Variants in KLRG1 observed in about 807,000 individuals in gnomAD.
KLRG1 encodes the protein killer cell lectin like receptor G1.
KLRG1 carries 16 observed loss-of-function variants against 21.8 expected under a neutral mutation model. The observed-to-expected ratio is 0.73, with a 90% confidence interval of 0.50 to 1.11. The LOEUF is 1.11. Among genes scored for constraint, KLRG1 ranks in the 50% most tolerant of loss-of-function variants. The pLI, the probability that KLRG1 is intolerant of heterozygous loss-of-function variation, is 0.00. For missense variants in KLRG1, 173 were observed against 218.3 expected, an observed-to-expected ratio of 0.79 and a Z score of 1.31; for synonymous variants, 69 against 75.9, an observed-to-expected ratio of 0.91 and a Z score of 0.47.
the KLRG1 span, among the ~76,000 whole-genome samples, chr12:9,108,899 G>T: frequency 4.6e-5 from 7 of 152,206 alleles, no homozygotes; most frequent in Non-Finnish European, 1.0e-4. Context: ...CAGTAAGCAT[G>T]CAAGGTCAGG....
the KLRG1 span, chr12:9,149,598 C>T: frequency 6.2e-7 from 1 of 1,612,848 alleles, no homozygotes; most frequent in Non-Finnish European, 8.5e-7. Context: ...CAACCACAGA[C>T]TCATCTGAAA....
chr12:9,061,352 T>C, the KLRG1 span, among the ~76,000 whole-genome samples: 6 of 152,148 alleles, frequency 3.9e-5, no homozygotes, highest in African/African-American at 1.4e-4. Context: ...CTTGCACTCC[T>C]GGCCTCAAGC....
At chr12:8,980,116 G>A (rs1271925101) in intron 1 of KLRG1, among the ~76,000 whole-genome samples, 1 of 152,018 alleles carries the variant, frequency 6.6e-6, no homozygotes, top group Non-Finnish European at 1.5e-5. Flanking sequence ...AGCCAGGCTG[G>A]TCTCAAATTC....
the KLRG1 span, chr12:9,093,542 C>T: frequency 1.2e-6 from 2 of 1,612,184 alleles, no homozygotes; most frequent in East Asian, 2.2e-5. Context: ...CTTCAACATG[C>T]ACCAGGCGTG....
Position 8,995,260 on chromosome 12 carries a change from T to G in KLRG1, c.329T>G (p.Leu110Arg). The stretch of plus-strand genomic sequence containing the variant: ...TTCTGCCTAGCCAGAGACTCACACC[T>G]CCTTGTGATAACGGACAATCAGGAA... ...LEFCLARDSH[L>R]LVITDNQEMS... The change falls in exon 3 of 5, where the codon CTC becomes CGC. Residue 110 changes from leucine to arginine, a missense_variant. By Grantham distance (102) the Leu-to-Arg change is moderately radical. Transcript: ENST00000356986. The G allele has an allele frequency of 6.2e-7, 1 of 1,611,638 alleles. No homozygotes were observed. Among genetic ancestry groups the G allele is most frequent in the Middle Eastern group, 1.7e-4 (1 of 5,990 alleles).
chr12:8,981,230 G>C (rs1041831847), intron 1 of KLRG1, among the ~76,000 whole-genome samples: 1 of 152,086 alleles, frequency 6.6e-6, no homozygotes, highest in Non-Finnish European at 1.5e-5. Flanking sequence ...TTTTGGCTTT[G>C]TTAATTTTTC....
At chr12:9,154,156 T>C in the KLRG1 span, among the ~76,000 whole-genome samples, 4 of 152,350 alleles carry the variant, frequency 2.6e-5, no homozygotes, top group East Asian at 7.7e-4. Context: ...ATTCTGAAGA[T>C]GTCTGGAACA....
chr12:9,154,040 G>A, the KLRG1 span, among the ~76,000 whole-genome samples: 1 of 152,190 alleles, frequency 6.6e-6, no homozygotes, highest in Non-Finnish European at 1.5e-5. Context: ...TGGAGTAGTT[G>A]AAATGGAACT....
chr12:9,214,441 A>G, the KLRG1 span, among the ~76,000 whole-genome samples: 2 of 152,028 alleles, frequency 1.3e-5, no homozygotes, highest in African/African-American at 2.4e-5. Context: ...TGTTATCTTT[A>G]TCCGATTAAG....
chr12:9,093,430 A>G, the KLRG1 span: 2 of 1,400,308 alleles, frequency 1.4e-6, no homozygotes, highest in East Asian at 2.3e-5. Context: ...AGGGACCTCT[A>G]TTGTTGCATA....
the KLRG1 span, among the ~76,000 whole-genome samples, chr12:9,018,758 C>T: frequency 6.6e-6 from 1 of 150,924 alleles, no homozygotes; most frequent in Non-Finnish European, 1.5e-5. Flanking sequence ...CCTCCTCTCT[C>T]TTGATATACA....
At chr12:9,127,197 C>T in the KLRG1 span, among the ~76,000 whole-genome samples, 1 of 152,170 alleles carries the variant, frequency 6.6e-6, no homozygotes, top group Admixed American at 6.5e-5. Context: ...TACATTTTTG[C>T]CGTCTGGGTT....
the KLRG1 span, chr12:9,112,497 TGAGGAACATTA>T: frequency 6.2e-7 from 1 of 1,613,802 alleles, no homozygotes; most frequent in Non-Finnish European, 8.5e-7. Flanking sequence ...ACTTGGACAG[TGAGGAACATTA>T]CCTCCTCATT....
chr12:9,174,487 GAAAT>G, the KLRG1 span, among the ~76,000 whole-genome samples: 4 of 152,294 alleles, frequency 2.6e-5, no homozygotes, highest in African/African-American at 7.2e-5. Context: ...TCAGGCAAGA[GAAAT>G]AAATAAAGTG....
the KLRG1 span, chr12:9,168,939 G>T: frequency 1.2e-6 from 2 of 1,614,024 alleles, no homozygotes; most frequent in East Asian, 4.5e-5. Context: ...TTGGTTTTCG[G>T]ATTTTTGAGT....
chr12:9,059,673 G>C, the KLRG1 span, among the ~76,000 whole-genome samples: 1 of 152,104 alleles, frequency 6.6e-6, no homozygotes, highest in Admixed American at 6.6e-5. Flanking sequence ...TTGTTTTTAT[G>C]TTTAATTTTA....
the KLRG1 span, among the ~76,000 whole-genome samples, chr12:9,030,188 A>G: frequency 6.6e-6 from 1 of 152,216 alleles, no homozygotes; most frequent in East Asian, 1.9e-4. Flanking sequence ...TTGAGAGGGA[A>G]GGAAAAGGTT....
At chr12:9,132,045 C>G in the KLRG1 span, among the ~76,000 whole-genome samples, 10 of 152,088 alleles carry the variant, frequency 6.6e-5, no homozygotes, top group South Asian at 2.1e-3. Flanking sequence ...GTGGGCATAC[C>G]CCTGAATGTC....
chr12:9,090,057 C>T, the KLRG1 span: 2 of 1,571,744 alleles, frequency 1.3e-6, no homozygotes, highest in Non-Finnish European at 1.7e-6. Flanking sequence ...TGAATAGCAT[C>T]TTCCCCTTCC....
Sources: allele counts gnomAD v4.1 joint callset (sites outside exome capture counted in the v4.1 genomes callset), GRCh38; gene constraint gnomAD v4.1.1; transcripts MANE v1.5; gene names NCBI Gene and HGNC (gene_info 2026-07-23, HGNC 2026-07-21).